Variants in RPS6KA2 observed in about 807,000 individuals in gnomAD.
The protein encoded by RPS6KA2 is ribosomal protein S6 kinase A2.
In RPS6KA2, 42 loss-of-function variants were observed where a neutral mutation model predicts 91.8. That is an observed-to-expected ratio of 0.46 (90% confidence interval 0.36 to 0.59). RPS6KA2 has a LOEUF of 0.59. Among genes scored for constraint, RPS6KA2 ranks in the 20% least tolerant of loss-of-function variants. The pLI is 0.00. For missense variants in RPS6KA2, 798 were observed against 978.5 expected (o/e 0.82, Z 2.46); for synonymous variants, 414 against 393.6 (o/e 1.05, Z -0.61).
intron 2 of RPS6KA2, among the ~76,000 whole-genome samples, chr6:166,798,597 T>C (rs1160158000): frequency 6.6e-6 from 1 of 152,216 alleles, no homozygotes; most frequent in Non-Finnish European, 1.5e-5. Flanking sequence ...TCCACCACAG[T>C]GGTCTTCAGA....
chr6:166,857,665 T>C (rs1322001281), intron 2 of RPS6KA2, among the ~76,000 whole-genome samples: 1 of 152,180 alleles, frequency 6.6e-6, no homozygotes, highest in Non-Finnish European at 1.5e-5. Flanking sequence ...GATGACCACC[T>C]CGGGCTGATA....
chr6:166,615,776 C>T (rs1259972551), intron 1 of RPS6KA2, among the ~76,000 whole-genome samples: 1 of 152,098 alleles, frequency 6.6e-6, no homozygotes, highest in East Asian at 1.9e-4. Context: ...GGAGAGCACA[C>T]CCCCCCAGGA....
In RPS6KA2 at chr6:166,732,815, C is replaced by T. The variant is rs1052451860; in HGVS notation, c.123+125385G>A. ...TGACAGGGGGAGCTGTGAAGGCCAC[C>T]GGAGGCTGAGTCTGGTGGAAGGAGG... On this transcript the variant is annotated intron_variant, in intron 2 of 21. Coordinates refer to the RPS6KA2 transcript ENST00000503859. The surrounding 1 kb of genome is among the most constrained non-coding windows in gnomAD (Gnocchi z 4.0). Among the ~76,000 whole-genome samples, 1 of 152,150 alleles carries T rather than the reference C, an allele frequency of 6.6e-6. No individual in the cohort carries two copies. Among genetic ancestry groups the T allele is most frequent in the African/African-American group, 2.4e-5 (1 of 41,424 alleles).
rs866842641 is a variant in RPS6KA2, at chr6:166,648,006, G to A, written c.124-109222C>T. On this transcript the variant is annotated intron_variant, in intron 2 of 21. Transcript: ENST00000503859. The surrounding 1 kb of genome is among the most constrained non-coding windows in gnomAD (Gnocchi z 4.8). ...CACACACACGCACATGCTCACACAC[G>A]CACATGCTTACACACATACATACAC... is the stretch of plus-strand genomic sequence containing the variant. 1.6e-3 allele frequency among the ~76,000 whole-genome samples: 152 copies of A among 97,366 alleles called. No individual in the cohort carries two copies. The Middle Eastern group carries it at 0.026, about 17-fold the overall frequency. The allele number at this position is 97,366 out of a possible 152,430, so 63.9% of individuals were successfully genotyped here.
chr6:166,777,368 C>T (rs545308184), intron 2 of RPS6KA2, among the ~76,000 whole-genome samples: 2 of 152,264 alleles, frequency 1.3e-5, no homozygotes, highest in South Asian at 4.1e-4. Flanking sequence ...CAGGAACATG[C>T]CTAAGTCACA....
At chr6:166,760,158 C>A (rs1223103263) in intron 2 of RPS6KA2, among the ~76,000 whole-genome samples, 2 of 152,144 alleles carry the variant, frequency 1.3e-5, no homozygotes, top group East Asian at 3.8e-4. Flanking sequence ...GGCAAAGATG[C>A]GTAGCTCATG....
intron 3 of RPS6KA2, among the ~76,000 whole-genome samples, chr6:166,516,334 G>T (rs1252072370): frequency 6.6e-6 from 1 of 152,192 alleles, no homozygotes; most frequent in Admixed American, 6.5e-5. Context: ...AGGACACAGT[G>T]GAGTCAGAAA....
At chr6:166,680,280 CA>C (rs1285211311) in intron 2 of RPS6KA2, among the ~76,000 whole-genome samples, 1 of 152,220 alleles carries the variant, frequency 6.6e-6, no homozygotes, top group East Asian at 1.9e-4. Flanking sequence ...CACCAATCAG[CA>C]CTCTGTCAAA....
At chr6:166,583,587 C>A (rs1445920411) in intron 1 of RPS6KA2, among the ~76,000 whole-genome samples, 1 of 152,184 alleles carries the variant, frequency 6.6e-6, no homozygotes, top group South Asian at 2.1e-4. Context: ...AAAGGAGAGA[C>A]GCTCCTGATA....
intron 11 of RPS6KA2, among the ~76,000 whole-genome samples, chr6:166,462,683 C>T (rs182181356): frequency 3.4e-3 from 517 of 152,306 alleles, no homozygotes; most frequent in African/African-American, 0.012. Flanking sequence ...CAGGTAGTCC[C>T]GTAGCACTTT....
chr6:166,448,870 G>A lies in RPS6KA2; in HGVS notation c.1207-21C>T. On this transcript the variant is annotated intron_variant, in intron 13 of 20. Transcript: ENST00000265678. This position sits in a 1 kb window ranked among gnomAD's most constrained non-coding sequence, Gnocchi z 4.7. ...AACTGCTGCAGAGGGACCAAGAGAA[G>A]AAGAGTTGTCGGAACCCTCACACGA... 1 of 1,613,132 alleles carries A rather than the reference G, an allele frequency of 6.2e-7. No homozygotes were observed. Among genetic ancestry groups the A allele is most frequent in the Non-Finnish European group, 8.5e-7 (1 of 1,179,352 alleles).
chr6:166,663,494 T>C (rs1054614937), intron 2 of RPS6KA2, among the ~76,000 whole-genome samples: 9 of 152,358 alleles, frequency 5.9e-5, no homozygotes, highest in Non-Finnish European at 8.8e-5. Flanking sequence ...TCAGGGAAGA[T>C]GCTACTCTGT....
intron 2 of RPS6KA2, chr6:166,757,815 G>C (rs1778060373): frequency 3.3e-6 from 1 of 305,384 alleles, no homozygotes; most frequent in Non-Finnish European, 6.5e-6. Context: ...TCTGGCTGCA[G>C]ACAAAACCCC....
At chr6:166,624,310 T>C (rs1786750939) in intron 1 of RPS6KA2, among the ~76,000 whole-genome samples, 1 of 152,250 alleles carries the variant, frequency 6.6e-6, no homozygotes, top group Non-Finnish European at 1.5e-5. Context: ...TTTCCTATTA[T>C]AAAACAAGTT....
chr6:166,504,622 A>AAAAAAC lies in RPS6KA2; in HGVS notation c.460-16_460-11dup, dbSNP rs760220715. 446 of 1,585,104 alleles carry AAAAAAC rather than the reference A, an allele frequency of 2.8e-4. 1 individual carries two copies. Among genetic ancestry groups the AAAAAAC allele is most frequent in the African/African-American group, 4.0e-4 (29 of 73,186 alleles). ...CCTCCGTGAACATGACCTAGTAAGA[A>AAAAAAC]AAAAACAAAAACAAAAACAAAAAAC... On this transcript the variant is annotated splice_polypyrimidine_tract_variant and intron_variant, in intron 5 of 20. Transcript: ENST00000265678.
intron 2 of RPS6KA2, among the ~76,000 whole-genome samples, chr6:166,725,927 C>A (rs1251688065): frequency 6.6e-6 from 1 of 152,214 alleles, no homozygotes; most frequent in African/African-American, 2.4e-5. Flanking sequence ...GAGGAGCTCA[C>A]AGAGGCAGCT....
chr6:166,659,480 C>T (rs372268210), intron 2 of RPS6KA2, among the ~76,000 whole-genome samples: 20 of 152,320 alleles, frequency 1.3e-4, no homozygotes, highest in Middle Eastern at 3.4e-3. Context: ...TTTTACTTCA[C>T]TAACCTGGAA....
Position 166,419,755 on chromosome 6 carries a change from T to G in RPS6KA2, c.1820+127A>C, listed in dbSNP as rs1454719472. On this transcript the variant is annotated intron_variant, in intron 18 of 20. Transcript: ENST00000265678. The surrounding 1 kb of genome is among the most constrained non-coding windows in gnomAD (Gnocchi z 5.6). ...TGTTCACTCAAGGCCTGGGAGTGTT[T>G]GCATACACGTTGGGTTTGCCCACAT... 1.1e-5 allele frequency: 8 copies of G among 723,218 alleles called. No individual in the cohort carries two copies. Among genetic ancestry groups the G allele is most frequent in the African/African-American group, 1.7e-5 (1 of 58,012 alleles). The allele number at this position is 723,218 out of a possible 1,614,324, so 44.8% of individuals were successfully genotyped here.
At chr6:166,759,726 C>A (rs1778114573) in intron 2 of RPS6KA2, among the ~76,000 whole-genome samples, 1 of 152,214 alleles carries the variant, frequency 6.6e-6, no homozygotes. Flanking sequence ...CAGAAATAGG[C>A]ACTCCTGCTT....
Sources: gnomAD v4.1 joint callset for allele counts (sites outside exome capture counted in the v4.1 genomes callset) on GRCh38, gnomAD v4.1.1 for gene constraint, Gnocchi (gnomAD v3.1) non-coding constraint, MANE v1.5 for transcripts, NCBI Gene and HGNC (gene_info 2026-07-23, HGNC 2026-07-21) for gene names.